DOCK1: variants seen among roughly 807,000 people sequenced by gnomAD.
The protein encoded by DOCK1 is dedicator of cytokinesis 1, also known as dedicator of cytokinesis protein 1.
In DOCK1, 138 loss-of-function variants were observed where a neutral mutation model predicts 262.7. The ratio of observed to expected loss-of-function variants is 0.53; its 90% CI spans 0.46 to 0.61. The LOEUF (loss-of-function observed/expected upper bound fraction) is 0.61, where lower values mean the gene tolerates loss of function less well. Among genes scored for constraint, DOCK1 ranks in the 20% least tolerant of loss-of-function variants. The pLI is 0.00. For missense variants in DOCK1, 1,908 were observed against 2,370.7 expected, an observed-to-expected ratio of 0.80 and a Z score of 4.05; for synonymous variants, 866 against 867.4, an observed-to-expected ratio of 1.00 and a Z score of 0.03.
chr10:127,109,150 C>A (rs2048718311), intron 24 of DOCK1, among the ~76,000 whole-genome samples: 1 of 152,152 alleles, frequency 6.6e-6, no homozygotes, highest in South Asian at 2.1e-4. Flanking sequence ...TTTATCTACT[C>A]GTCCCCCTCC....
At position 127,125,095 on chromosome 10, in the gene DOCK1, C is replaced by T. The variant is rs192036563; in HGVS notation, c.2624-379C>T. Among the ~76,000 whole-genome samples the T allele has an allele frequency of 2.9e-3, 439 of 152,156 alleles. 2 individuals are homozygous for T. The highest frequency in any genetic ancestry group is 8.1e-3 in the African/African-American group (335 of 41,508). On this transcript the variant is annotated intron_variant, in intron 25 of 51. Transcript: ENST00000623213. ...TCACACCACGGCACTCCAGCCTGGG[C>T]GACAGAGCAAGACTCCGTCTCAAAA...
At chr10:126,962,515 T>TC (rs2037311042) in intron 1 of DOCK1, among the ~76,000 whole-genome samples, 2 of 152,148 alleles carry the variant, frequency 1.3e-5, no homozygotes, top group African/African-American at 2.4e-5. Context: ...CAGGCTGGTC[T>TC]CTAACTCCTG....
At chr10:127,116,722 C>G (rs2049206120) in intron 25 of DOCK1, among the ~76,000 whole-genome samples, 1 of 151,994 alleles carries the variant, frequency 6.6e-6, no homozygotes, top group South Asian at 2.1e-4. Flanking sequence ...GATCTTAAAC[C>G]TGGAGCTACT....
chr10:127,350,692 T>A (rs115977645), intron 31 of DOCK1, among the ~76,000 whole-genome samples: 1,523 of 152,270 alleles, frequency 0.01, 25 homozygotes, highest in African/African-American at 0.034. Flanking sequence ...GGTTTGTGAG[T>A]CTTGTCTGTT....
intron 29 of DOCK1, among the ~76,000 whole-genome samples, chr10:127,262,231 C>T (rs1320953366): frequency 1.7e-5 from 2 of 120,558 alleles, no homozygotes; most frequent in African/African-American, 3.3e-5. Context: ...TGTGTGTGTA[C>T]CCGTGCTCAT....
intron 16 of DOCK1, among the ~76,000 whole-genome samples, chr10:127,030,277 T>C (rs1458905544): frequency 6.6e-6 from 1 of 152,206 alleles, no homozygotes; most frequent in Non-Finnish European, 1.5e-5. Context: ...GTTTCTGTGC[T>C]CTGCTGGGAT....
chr10:127,051,557 C>T (rs1347249821), intron 21 of DOCK1, among the ~76,000 whole-genome samples: 1 of 152,132 alleles, frequency 6.6e-6, no homozygotes, highest in African/African-American at 2.4e-5. Context: ...ATACACATAA[C>T]ATAAAATTCA....
chr10:127,004,128 C>T (rs568389427), intron 10 of DOCK1, among the ~76,000 whole-genome samples: 1 of 151,940 alleles, frequency 6.6e-6, no homozygotes, highest in Non-Finnish European at 1.5e-5. Flanking sequence ...GTGCTGTGTG[C>T]CTGTAATCCC....
intron 27 of DOCK1, among the ~76,000 whole-genome samples, chr10:127,221,688 T>A (rs2058442127): frequency 6.6e-6 from 1 of 152,226 alleles, no homozygotes; most frequent in South Asian, 2.1e-4. Flanking sequence ...TCCTTTGTTT[T>A]GAGGTGTCAC....
chr10:127,168,576 C>T (rs2133798409), intron 27 of DOCK1, among the ~76,000 whole-genome samples: 1 of 152,314 alleles, frequency 6.6e-6, no homozygotes, highest in East Asian at 1.9e-4. Flanking sequence ...ATGTCACCCA[C>T]CTCCTCTCCT....
chr10:127,159,558 A>G (rs1002107175), intron 27 of DOCK1, among the ~76,000 whole-genome samples: 2 of 152,182 alleles, frequency 1.3e-5, no homozygotes, highest in African/African-American at 2.4e-5. Flanking sequence ...AGTAGTGACA[A>G]TTCGGGGCAT....
intron 25 of DOCK1, among the ~76,000 whole-genome samples, chr10:127,121,772 A>C (rs2049597157): frequency 6.6e-6 from 1 of 152,140 alleles, no homozygotes; most frequent in South Asian, 2.1e-4. Context: ...TTAGTTGAAA[A>C]GGCTGACTTT....
intron 1 of DOCK1, among the ~76,000 whole-genome samples, chr10:126,949,247 C>G (rs2035952691): frequency 1.3e-5 from 2 of 152,136 alleles, no homozygotes; most frequent in Non-Finnish European, 2.9e-5. Flanking sequence ...TCCTGCTCTC[C>G]TGCAGCCCTC....
At chr10:127,018,685 T>G in intron 12 of DOCK1, 25 bp from the exon 13 acceptor site, 1 of 1,614,042 alleles carries the variant, frequency 6.2e-7, no homozygotes, top group Non-Finnish European at 8.5e-7. Context: ...AAAATGCGAC[T>G]TAAGAGCATC....
In DOCK1 at chr10:127,354,058, G is replaced by T. The variant is rs765961489; in HGVS notation, c.3225-611G>T. On this transcript the variant is annotated intron_variant, in intron 31 of 51. Coordinates refer to ENST00000623213, the MANE Select transcript of DOCK1 (RefSeq NM_001290223.2). ...TTAAATTGCTCACAAACTAATAAAG[G>T]TTTATCTTCTGGAGCATCAAATTCT... 3.3e-5 allele frequency among the ~76,000 whole-genome samples: 5 copies of T among 152,010 alleles called. 1 individual carries two copies. The highest frequency in any genetic ancestry group is 4.8e-5 in the African/African-American group (2 of 41,356).
At chr10:126,989,102 TG>T (rs1475991655) in intron 5 of DOCK1, among the ~76,000 whole-genome samples, 2 of 151,436 alleles carry the variant, frequency 1.3e-5, no homozygotes, top group Non-Finnish European at 2.9e-5. Context: ...ATTTTTTTGC[TG>T]CACATTGTAG....
intron 2 of DOCK1, among the ~76,000 whole-genome samples, chr10:126,973,387 C>T (rs966534447): frequency 6.6e-6 from 1 of 152,074 alleles, no homozygotes; most frequent in Admixed American, 6.6e-5. Context: ...CACCACCATG[C>T]CCAGCTGAGG....
intron 1 of DOCK1, among the ~76,000 whole-genome samples, chr10:126,932,556 C>T (rs1406328845): frequency 1.3e-5 from 2 of 152,048 alleles, no homozygotes; most frequent in South Asian, 2.1e-4. Context: ...GATATGTGGC[C>T]GTGTGGGACT....
At chr10:126,984,588 T>C (rs2039223494) in intron 4 of DOCK1, among the ~76,000 whole-genome samples, 1 of 151,866 alleles carries the variant, frequency 6.6e-6, no homozygotes, top group Admixed American at 6.6e-5. Context: ...AGGCTGGTCT[T>C]GAACTTCTGA....
Sources: allele counts gnomAD v4.1 joint callset (sites outside exome capture counted in the v4.1 genomes callset), GRCh38; gene constraint gnomAD v4.1.1; transcripts MANE v1.5; gene names NCBI Gene and HGNC (gene_info 2026-07-23, HGNC 2026-07-21).